Variants in LONRF2 observed in about 807,000 individuals in gnomAD.
The protein encoded by LONRF2 is LON peptidase N-terminal domain and RING finger protein 2.
LONRF2 carries 35 observed loss-of-function variants against 66.6 expected under a neutral mutation model. The ratio of observed to expected loss-of-function variants is 0.53; its 90% confidence interval spans 0.40 to 0.70. LONRF2 has a LOEUF of 0.70. Among genes scored for constraint, LONRF2 ranks in the 30% least tolerant of loss-of-function variants. The pLI, the probability that LONRF2 is intolerant of heterozygous loss-of-function variation, is 0.00. For missense variants in LONRF2, 902 were observed against 1,002.1 expected (o/e 0.90, Z 1.35); for synonymous variants, 417 against 418.1 (o/e 1.00, Z 0.03).
chr2:100,314,907 C>T (rs1439147030), intron 1 of LONRF2, among the ~76,000 whole-genome samples: 1 of 152,132 alleles, frequency 6.6e-6, no homozygotes, highest in Non-Finnish European at 1.5e-5. Context: ...GTATTGGAAT[C>T]TGCCAGTGTA....
chr2:100,318,564 T>C (rs946559241), intron 1 of LONRF2, among the ~76,000 whole-genome samples: 6 of 152,178 alleles, frequency 3.9e-5, no homozygotes, highest in Non-Finnish European at 7.4e-5. Context: ...TGGTGGCTCA[T>C]GTCTATAATC....
chr2:100,322,056 TG>T lies in LONRF2; in HGVS notation c.37del (p.Gln13SerfsTer15). The stretch of plus-strand genomic sequence containing the variant: ...CTCCGCGCGGTCGCAGCCAGGACAC[TG>T]GGGCGGCGGCGGCGGCGGGACCGGC... ...PEPVPPPPPP[Q>X]CPGCDRAEPI... On this transcript the variant is annotated frameshift_variant, in exon 1 of 12. Transcript: ENST00000393437. LOFTEE classifies it high-confidence loss of function. 1 of 1,316,322 alleles carries T rather than the reference TG, an allele frequency of 7.6e-7. No homozygotes were observed. The allele number at this position is 1,316,322 out of a possible 1,614,324, so 81.5% of individuals were successfully genotyped here.
intron 2 of LONRF2, among the ~76,000 whole-genome samples, chr2:100,308,456 T>C (rs1325636814): frequency 1.3e-5 from 2 of 152,240 alleles, no homozygotes; most frequent in African/African-American, 4.8e-5. Context: ...ATATTTTTAA[T>C]TATTAACTGA....
chr2:100,295,825 G>C (rs143613723), intron 7 of LONRF2, among the ~76,000 whole-genome samples: 2,013 of 152,286 alleles, frequency 0.013, 12 homozygotes, highest in Middle Eastern at 0.027. Context: ...CCATGATGTT[G>C]GTGAGAGGGG....
Position 100,290,356 on chromosome 2 carries a change from CA to C in LONRF2, c.1821del (p.Val608LeufsTer2). The C allele has an allele frequency of 6.2e-7, 1 of 1,614,184 alleles. No individual in the cohort carries two copies. The highest frequency in any genetic ancestry group is 8.5e-7 in the Non-Finnish European group (1 of 1,180,024). The stretch of plus-strand genomic sequence containing the variant: ...CGACTGATGCCAATCGCGTCTACAA[CA>C]GAACTTCCATCAGGAAACGTTCTCA... Reference protein sequence around the residue: ...KDVRTFPDGSSVVDAIGISRF... With the variant: ...KDVRTFPDGSXVVDAIGISRF... On this transcript the variant is annotated frameshift_variant, in exon 10 of 12. Transcript: ENST00000393437. LOFTEE classifies it high-confidence loss of function.
At chr2:100,300,613 G>C (rs1163907504) in intron 4 of LONRF2, 31 bp downstream of exon 4, 1 of 1,580,016 alleles carries the variant, frequency 6.3e-7, no homozygotes, top group East Asian at 2.3e-5. Context: ...GCTTAATCAA[G>C]AGAATCCTGA....
Position 100,299,841 on chromosome 2 carries a change from T to C in LONRF2, c.1143A>G (p.Glu381=). ...VLYFILGLHF[E]EDKKALESIL... ...TGCTTTCTAACGCCTTTTTATCCTCTTCAAAGTGTAGACCCAGTATAAAAT... is the reference window on the plus strand; with the variant it reads ...TGCTTTCTAACGCCTTTTTATCCTCCTCAAAGTGTAGACCCAGTATAAAAT... Residue 381 remains glutamate (E), a synonymous_variant, in exon 5 of 12, where the codon GAA becomes GAG. Coordinates refer to ENST00000393437, the MANE Select transcript of LONRF2 (RefSeq NM_198461.4). 6.2e-7 allele frequency: 1 copy of C among 1,613,118 alleles called. No homozygotes were observed. Among genetic ancestry groups the C allele is most frequent in the East Asian group, 2.2e-5 (1 of 44,870 alleles).
At chr2:100,294,156 A>G in intron 9 of LONRF2, 73 bp downstream of exon 9, 1 of 1,566,518 alleles carries the variant, frequency 6.4e-7, no homozygotes, top group Non-Finnish European at 8.7e-7. Flanking sequence ...ATCAGCCTAA[A>G]TCATTCTGCA....
At chr2:100,298,976 C>T in intron 6 of LONRF2, 26 bp from the exon 7 acceptor site, 1 of 1,529,498 alleles carries the variant, frequency 6.5e-7, no homozygotes, top group Non-Finnish European at 9.1e-7. Flanking sequence ...TGTTTTCAGC[C>T]AGAAATGTCC....
rs911828872 is a variant in LONRF2 at position 100,273,388 on chromosome 2, T to C, written c.*10910A>G. The C allele has an allele frequency of 2.6e-5, 4 of 152,380 alleles. No individual in the cohort carries two copies. Among genetic ancestry groups the C allele is most frequent in the South Asian group, 4.1e-4 (2 of 4,832 alleles). 9.4% of individuals were successfully genotyped at this position (152,380 alleles called of 1,614,324 possible). On this transcript the variant is annotated 3_prime_UTR_variant, in exon 12 of 12. Coordinates refer to ENST00000393437, the MANE Select transcript of LONRF2 (RefSeq NM_198461.4). Reference sequence around the variant, plus strand: ...AAACACAAAGGCCTAGGCACTGATTTGATCTAATTTCTCATCAGTCTAGCC... The same window carrying C: ...AAACACAAAGGCCTAGGCACTGATTCGATCTAATTTCTCATCAGTCTAGCC...
intron 1 of LONRF2, 28 bp from the exon 2 acceptor site, chr2:100,309,253 T>C (rs1675362474): frequency 7.0e-7 from 1 of 1,421,192 alleles, no homozygotes; most frequent in Admixed American, 2.0e-5. Context: ...TACAAATCAA[T>C]AAAAATGACT....
intron 2 of LONRF2, among the ~76,000 whole-genome samples, chr2:100,307,121 C>T (rs949823517): frequency 3.3e-5 from 5 of 152,008 alleles, no homozygotes; most frequent in Non-Finnish European, 7.4e-5. Context: ...GGGGTGTCAC[C>T]GTGTTAGCCT....
chr2:100,322,454 C>G lies in LONRF2; in HGVS notation c.-361G>C, dbSNP rs888962877. On this transcript the variant is annotated 5_prime_UTR_variant, in exon 1 of 12. Transcript: ENST00000393437. ...ACGCAGTGACCGCGCTCCAGGTCCG[C>G]GTCTCTTGCGATGCTTCCCCCACTC... The G allele has an allele frequency of 4.9e-5, 9 of 183,364 alleles. No individual in the cohort carries two copies. Among genetic ancestry groups the G allele is most frequent in the Admixed American group, 2.5e-4 (4 of 16,150 alleles). The allele number at this position is 183,364 out of a possible 1,614,324, so 11.4% of individuals were successfully genotyped here. A position where few individuals can be genotyped will look rare whatever the true frequency, so the allele number is the denominator to read the frequency against.
chr2:100,294,150 G>C, intron 9 of LONRF2, 79 bp downstream of exon 9: 1 of 1,544,016 alleles, frequency 6.5e-7, no homozygotes, highest in Non-Finnish European at 8.8e-7. Context: ...TCAAGCATCA[G>C]CCTAAATCAT....
At chr2:100,295,263 T>A (rs1675040661) in intron 8 of LONRF2, among the ~76,000 whole-genome samples, 169 bp downstream of exon 8, 1 of 152,188 alleles carries the variant, frequency 6.6e-6, no homozygotes, top group African/African-American at 2.4e-5. Context: ...GAAAACAAAT[T>A]CTTATAACTG....
At chr2:100,293,704 G>A (rs1459634015) in intron 9 of LONRF2, among the ~76,000 whole-genome samples, 1 of 152,214 alleles carries the variant, frequency 6.6e-6, no homozygotes, top group Non-Finnish European at 1.5e-5. Context: ...TTTGGCTGTA[G>A]AGACAGAGAA....
chr2:100,296,714 C>T (rs1165247288), intron 7 of LONRF2, among the ~76,000 whole-genome samples: 1 of 152,170 alleles, frequency 6.6e-6, no homozygotes. Context: ...ATCTCACTCA[C>T]AAAACTGCTT....
intron 9 of LONRF2, among the ~76,000 whole-genome samples, chr2:100,292,284 T>C (rs537115555): frequency 2.6e-5 from 4 of 152,322 alleles, no homozygotes; most frequent in Non-Finnish European, 5.9e-5. Flanking sequence ...GCATGACTCA[T>C]CAAGGAGCCT....
In LONRF2 at chr2:100,300,726, A is replaced by T; in HGVS notation, c.983T>A (p.Ile328Asn). The change falls in exon 4 of 12, where the codon ATC (isoleucine) becomes AAC (asparagine). Residue 328 changes from isoleucine (I) to asparagine (N), a missense_variant. This residue lies in a region of LONRF2 where 585 missense variants were observed against 569.9 expected (regional missense o/e 1.03). Coordinates refer to ENST00000393437, the MANE Select transcript of LONRF2 (RefSeq NM_198461.4). ...ACCCTGAGCCTTTAATCTGCTTTGG[A>T]TGGAAGATGTTAAATTTTCATGCAC... is the stretch of plus-strand genomic sequence containing the variant. Reference protein sequence around the residue: ...ANVHENLTSSIQSRLKAQGHS... With the variant: ...ANVHENLTSSNQSRLKAQGHS... 6.2e-7 allele frequency: 1 copy of T among 1,613,664 alleles called. No individual in the cohort carries two copies. The highest frequency in any genetic ancestry group is 8.5e-7 in the Non-Finnish European group (1 of 1,179,850).
Sources: gnomAD v4.1 joint callset for allele counts (sites outside exome capture counted in the v4.1 genomes callset) on GRCh38, gnomAD v4.1.1 for gene constraint, gnomAD v4.1.1 regional missense constraint, MANE v1.5 for transcripts, NCBI Gene and HGNC (gene_info 2026-07-23, HGNC 2026-07-21) for gene names.